The following CCNY variants were observed in gnomAD, a reference collection of about 807,000 sequenced individuals.
CCNY encodes the protein cyclin-Y.
Under a neutral mutation model 42.8 loss-of-function variants are expected in CCNY, and 19 were observed. The ratio of observed to expected loss-of-function variants is 0.44; its 90% CI spans 0.31 to 0.65. The LOEUF (loss-of-function observed/expected upper bound fraction) is 0.65, where lower values mean the gene tolerates loss of function less well. CCNY is among the 30% of genes least tolerant of loss of function. CCNY has a pLI of 0.07. For synonymous variants in CCNY, 165 were observed against 162.7 expected, an observed-to-expected ratio of 1.01 and a Z score of -0.11; for missense variants, 370 against 437.3, an observed-to-expected ratio of 0.85 and a Z score of 1.37.
chr10:35,263,823 C>T (rs755275602), intron 3 of CCNY, among the ~76,000 whole-genome samples: 9 of 152,298 alleles, frequency 5.9e-5, no homozygotes, highest in African/African-American at 1.2e-4. Flanking sequence ...AGCTATTCTT[C>T]CTGATGCTTT....
chr10:35,564,038 G>A (rs943886915), intron 8 of CCNY, among the ~76,000 whole-genome samples: 6 of 151,906 alleles, frequency 3.9e-5, no homozygotes, highest in Non-Finnish European at 7.4e-5. Context: ...CACCATGCCC[G>A]GCTAATTTTC....
chr10:35,395,333 G>A (rs1026603059), intron 1 of CCNY, among the ~76,000 whole-genome samples: 33 of 152,284 alleles, frequency 2.2e-4, no homozygotes, highest in African/African-American at 6.5e-4. Context: ...TGCAGTAGGG[G>A]AGGAGAGATT....
At chr10:35,266,863 C>T (rs1039380955) in intron 3 of CCNY, among the ~76,000 whole-genome samples, 1 of 152,022 alleles carries the variant, frequency 6.6e-6, no homozygotes, top group Admixed American at 6.6e-5. Flanking sequence ...GCAGGTGGAT[C>T]TCCTGAGATC....
chr10:35,399,981 A>G (rs1053738119), intron 1 of CCNY, among the ~76,000 whole-genome samples: 2 of 152,120 alleles, frequency 1.3e-5, no homozygotes, highest in Admixed American at 1.3e-4. Context: ...AAGGCTAGGT[A>G]TGTTCTCCAG....
At position 35,525,985 on chromosome 10, in the gene CCNY, T is replaced by C. The variant is rs375756910; in HGVS notation, c.387T>C (p.Tyr129=). The C allele has an allele frequency of 1.5e-5, 24 of 1,611,400 alleles. No homozygotes were observed. The highest frequency in any genetic ancestry group is 2.2e-5 in the South Asian group (2 of 90,664). Residue 129 remains tyrosine, a synonymous_variant, in exon 5 of 10, where the codon TAT becomes TAC. Transcript: ENST00000374704. ...ACAGTGTCGCTCTTGCAATATATTA[T>C]CACATCAAAAACAGGTATGTGGATG... is the stretch of plus-strand genomic sequence containing the variant. ...TIKCVALAIY[Y]HIKNRDPDGR...
chr10:35,356,544 C>T (rs923762120), intron 1 of CCNY, among the ~76,000 whole-genome samples: 2 of 152,148 alleles, frequency 1.3e-5, no homozygotes, highest in Non-Finnish European at 2.9e-5. Flanking sequence ...GGGGTGGGTC[C>T]ACAGAGCCTA....
At chr10:35,454,679 G>A (rs1478426980) in intron 1 of CCNY, among the ~76,000 whole-genome samples, 3 of 152,218 alleles carry the variant, frequency 2.0e-5, no homozygotes, top group African/African-American at 4.8e-5. Context: ...TGAGGTGCCC[G>A]GGGAGGTGGT....
At chr10:35,391,194 C>T (rs1837405252) in intron 1 of CCNY, among the ~76,000 whole-genome samples, 1 of 152,150 alleles carries the variant, frequency 6.6e-6, no homozygotes, top group African/African-American at 2.4e-5. Flanking sequence ...AGGGGAGGGG[C>T]AGGGGTTCTT....
intron 1 of CCNY, among the ~76,000 whole-genome samples, chr10:35,397,411 T>TC (rs1401209014): frequency 6.6e-6 from 1 of 152,070 alleles, no homozygotes; most frequent in Non-Finnish European, 1.5e-5. Context: ...CTTGCTTCCT[T>TC]CCCCCCTTAT....
intron 1 of CCNY, among the ~76,000 whole-genome samples, chr10:35,441,870 G>T (rs369839555): frequency 6.6e-6 from 1 of 152,228 alleles, no homozygotes; most frequent in East Asian, 1.9e-4. Flanking sequence ...AGTTAATTAC[G>T]TATTAATTGT....
At chr10:35,474,222 G>A (rs1839454244) in intron 1 of CCNY, among the ~76,000 whole-genome samples, 1 of 152,202 alleles carries the variant, frequency 6.6e-6, no homozygotes. Flanking sequence ...CTTGGGGGAG[G>A]GGTGCCCACC....
chr10:35,417,471 AATG>A (rs1423926370), intron 1 of CCNY, among the ~76,000 whole-genome samples: 1 of 152,218 alleles, frequency 6.6e-6, no homozygotes, highest in African/African-American at 2.4e-5. Flanking sequence ...ACAAATATGA[AATG>A]ATGTATGAGG....
chr10:35,492,612 T>C (rs1286562666), intron 2 of CCNY, among the ~76,000 whole-genome samples: 1 of 152,230 alleles, frequency 6.6e-6, no homozygotes, highest in Non-Finnish European at 1.5e-5. Flanking sequence ...CTGGATTGCA[T>C]CTTGCTCATG....
intron 1 of CCNY, among the ~76,000 whole-genome samples, chr10:35,376,176 T>C (rs941266775): frequency 2.0e-5 from 3 of 152,338 alleles, no homozygotes; most frequent in Admixed American, 6.5e-5. Context: ...CAGGACACCA[T>C]GTATAGTGTT....
chr10:35,494,245 C>CT (rs5784454), intron 2 of CCNY, among the ~76,000 whole-genome samples: 27 of 146,226 alleles, frequency 1.8e-4, no homozygotes, highest in Non-Finnish European at 4.0e-4. Flanking sequence ...CCCCCCCCCC[C>CT]ATTTCTACAA....
intron 2 of CCNY, among the ~76,000 whole-genome samples, chr10:35,485,732 AAAAAAAAC>A (rs930763157): frequency 4.0e-5 from 6 of 148,784 alleles, no homozygotes; most frequent in African/African-American, 1.6e-4. Context: ...CTCAAAAAAA[AAAAAAAAC>A]AAAAAAAAAA....
At chr10:35,493,379 A>G (rs1839941166) in intron 2 of CCNY, among the ~76,000 whole-genome samples, 1 of 152,168 alleles carries the variant, frequency 6.6e-6, no homozygotes, top group South Asian at 2.1e-4. Flanking sequence ...GCTGGTAGCC[A>G]TAAACTTACT....
chr10:35,442,634 G>T (rs1250154096), intron 1 of CCNY, among the ~76,000 whole-genome samples: 2 of 152,314 alleles, frequency 1.3e-5, no homozygotes, highest in South Asian at 4.1e-4. Context: ...GATGTATTTG[G>T]TGAGTAGAAG....
intron 3 of CCNY, among the ~76,000 whole-genome samples, chr10:35,316,636 T>A (rs1346971254): frequency 6.6e-6 from 1 of 152,224 alleles, no homozygotes; most frequent in Non-Finnish European, 1.5e-5. Context: ...AATTAAATTG[T>A]GCTATGGATA....
Sources: allele counts gnomAD v4.1 joint callset (sites outside exome capture counted in the v4.1 genomes callset), GRCh38; gene constraint gnomAD v4.1.1; transcripts MANE v1.5; gene names NCBI Gene and HGNC (gene_info 2026-07-23, HGNC 2026-07-21).